Variants in ESRRG observed in about 807,000 individuals in gnomAD.
ESRRG encodes the protein estrogen related receptor gamma.
A neutral mutation model predicts 44.0 loss-of-function variants in ESRRG; 13 were observed. That is an observed-to-expected ratio of 0.30 (90% CI 0.19 to 0.47). The LOEUF (loss-of-function observed/expected upper bound fraction) is 0.47, where lower values mean the gene tolerates loss of function less well. Among genes scored for constraint, ESRRG ranks in the 20% least tolerant of loss-of-function variants. ESRRG has a pLI of 1.00. For missense variants in ESRRG, 395 were observed against 580.6 expected, an observed-to-expected ratio of 0.68 and a Z score of 3.29; for synonymous variants, 215 against 214.6, an observed-to-expected ratio of 1.00 and a Z score of -0.02.
intron 2 of ESRRG, among the ~76,000 whole-genome samples, chr1:216,752,609 A>G (rs549876647): frequency 4.7e-4 from 72 of 152,198 alleles, no homozygotes; most frequent in African/African-American, 1.7e-3. Flanking sequence ...TTTGAACTAA[A>G]ACTGGCCAAA....
intron 2 of ESRRG, among the ~76,000 whole-genome samples, chr1:216,733,799 T>C (rs2089332348): frequency 6.6e-6 from 1 of 151,836 alleles, no homozygotes; most frequent in African/African-American, 2.4e-5. Context: ...GAGACCAGCT[T>C]GACAAACATA....
At chr1:216,610,500 T>C (rs1173081465) in intron 3 of ESRRG, among the ~76,000 whole-genome samples, 1 of 152,098 alleles carries the variant, frequency 6.6e-6, no homozygotes, top group Non-Finnish European at 1.5e-5. Flanking sequence ...TGATCGTTAG[T>C]GTTTGAGGGG....
At position 216,679,333 on chromosome 1, in the gene ESRRG, G is replaced by A. The variant is rs527606727; in HGVS notation, c.57-1842C>T. Among the ~76,000 whole-genome samples the A allele has an allele frequency of 1.3e-4, 19 of 151,668 alleles. No individual in the cohort carries two copies. The South Asian group carries it at 3.9e-3, about 32-fold the overall frequency. ...CTCTCCTTGTCTCCTTAGCACTCTG[G>A]GCTAAGCACTTTCCTCAAGTCATCG... On this transcript the variant is annotated intron_variant, in intron 1 of 6. Coordinates refer to ENST00000408911, the MANE Select transcript of ESRRG (RefSeq NM_001438.4).
intron 5 of ESRRG, among the ~76,000 whole-genome samples, chr1:216,545,138 G>A (rs1326557201): frequency 1.3e-5 from 2 of 149,804 alleles, no homozygotes; most frequent in African/African-American, 2.5e-5. Flanking sequence ...CATCCTCCAG[G>A]GTTCAAGCAA....
intron 2 of ESRRG, among the ~76,000 whole-genome samples, chr1:216,825,378 AC>A (rs1217675775): frequency 1.3e-5 from 2 of 152,210 alleles, no homozygotes; most frequent in African/African-American, 4.8e-5. Context: ...CAATGTGGAT[AC>A]AGTAATAGGC....
At chr1:216,925,020 T>TTGAAACAGGTCCC (rs2062345871) in intron 2 of ESRRG, among the ~76,000 whole-genome samples, 2 of 152,280 alleles carry the variant, frequency 1.3e-5, no homozygotes, top group Admixed American at 6.5e-5. Context: ...TTCCAGGTCC[T>TTGAAACAGGTCCC]TGAAACAGGT....
At chr1:216,911,300 A>T (rs1011088075) in intron 2 of ESRRG, among the ~76,000 whole-genome samples, 7 of 152,174 alleles carry the variant, frequency 4.6e-5, no homozygotes, top group African/African-American at 1.4e-4. Flanking sequence ...TGCTAAAAAG[A>T]CGAACTATCA....
chr1:216,730,820 A>G (rs955869683), intron 2 of ESRRG, among the ~76,000 whole-genome samples: 7 of 152,178 alleles, frequency 4.6e-5, no homozygotes, highest in Non-Finnish European at 8.8e-5. Flanking sequence ...AAAAGAGGAA[A>G]AAAGGATTGA....
chr1:216,677,866 T>C (rs1213491896), intron 1 of ESRRG, among the ~76,000 whole-genome samples: 1 of 152,256 alleles, frequency 6.6e-6, no homozygotes, highest in Non-Finnish European at 1.5e-5. Flanking sequence ...CTCTAGATTC[T>C]AAATTTATCA....
intron 1 of ESRRG, among the ~76,000 whole-genome samples, chr1:216,962,514 C>G (rs903412143): frequency 6.6e-6 from 1 of 152,140 alleles, no homozygotes; most frequent in Non-Finnish European, 1.5e-5. Flanking sequence ...AGTCCTGCAT[C>G]TGTTGTCTCA....
intron 3 of ESRRG, among the ~76,000 whole-genome samples, chr1:216,571,802 G>A (rs1040123395): frequency 6.6e-6 from 1 of 151,854 alleles, no homozygotes; most frequent in African/African-American, 2.4e-5. Context: ...TCTTTTATTT[G>A]TAATTTTATT....
At chr1:217,117,853 G>A (rs376826398) in intron 1 of ESRRG, among the ~76,000 whole-genome samples, 9 of 151,950 alleles carry the variant, frequency 5.9e-5, no homozygotes, top group African/African-American at 1.4e-4. Context: ...TTTATAGAAA[G>A]CACTCTAAAA....
intron 3 of ESRRG, among the ~76,000 whole-genome samples, chr1:216,644,426 TC>T: frequency 1.3e-5 from 1 of 75,412 alleles, no homozygotes; most frequent in Non-Finnish European, 2.7e-5. Flanking sequence ...TTTCTTTCTT[TC>T]TTTTTTTTTT....
chr1:216,684,051 T>G (rs2077498424), intron 1 of ESRRG, among the ~76,000 whole-genome samples: 1 of 152,188 alleles, frequency 6.6e-6, no homozygotes, highest in South Asian at 2.1e-4. Flanking sequence ...GCAAAAGAAA[T>G]GCACTAATAA....
intron 1 of ESRRG, among the ~76,000 whole-genome samples, chr1:217,026,912 C>CACAGAGAG (rs1255637839): frequency 2.4e-4 from 22 of 93,414 alleles, no homozygotes; most frequent in African/African-American, 6.0e-4. Context: ...CACACACACA[C>CACAGAGAG]AGAGAGAGAG....
intron 2 of ESRRG, among the ~76,000 whole-genome samples, chr1:216,820,312 C>T (rs1015807925): frequency 1.3e-5 from 2 of 152,032 alleles, no homozygotes; most frequent in Non-Finnish European, 1.5e-5. Context: ...CCTTTAAAGA[C>T]ATGAAATAGC....
Position 216,624,622 on chromosome 1 carries a change from A to T in ESRRG, c.589+26351T>A, listed in dbSNP as rs79274994. Among the ~76,000 whole-genome samples, 199 of 152,310 alleles carry T rather than the reference A, an allele frequency of 1.3e-3. 5 individuals are homozygous for T. The East Asian group carries it at 0.036, about 27-fold the overall frequency. On this transcript the variant is annotated intron_variant, in intron 3 of 6. Transcript: ENST00000408911. ...AAAAACTGCCATTCTTTCTCAGTTTAGGCTATTCGTGAGCTAATACATAAC... is the reference window on the plus strand; with the variant it reads ...AAAAACTGCCATTCTTTCTCAGTTTTGGCTATTCGTGAGCTAATACATAAC...
At chr1:216,643,202 T>C (rs1281559654) in intron 3 of ESRRG, among the ~76,000 whole-genome samples, 1 of 152,174 alleles carries the variant, frequency 6.6e-6, no homozygotes, top group Non-Finnish European at 1.5e-5. Context: ...TAATGGCAGT[T>C]AAAAGAGTAA....
chr1:216,565,640 T>G (rs2059554811), intron 4 of ESRRG, among the ~76,000 whole-genome samples: 1 of 152,194 alleles, frequency 6.6e-6, no homozygotes, highest in Non-Finnish European at 1.5e-5. Flanking sequence ...TTTATGAATA[T>G]GGCTCCCATA....
Sources: allele counts gnomAD v4.1 joint callset (sites outside exome capture counted in the v4.1 genomes callset), GRCh38; gene constraint gnomAD v4.1.1; transcripts MANE v1.5; gene names NCBI Gene and HGNC (gene_info 2026-07-23, HGNC 2026-07-21).